The following AKAP12 variants were observed in gnomAD, a reference collection of about 807,000 sequenced individuals.
The protein encoded by AKAP12 is A-kinase anchoring protein 12.
A neutral mutation model predicts 79.9 loss-of-function variants in AKAP12; 32 were observed. The observed-to-expected ratio is 0.40, with a 90% CI of 0.30 to 0.54. The LOEUF is 0.54. Among genes scored for constraint, AKAP12 ranks in the 20% least tolerant of loss-of-function variants. AKAP12 has a pLI of 0.48. For synonymous variants in AKAP12, 808 were observed against 857.0 expected (o/e 0.94, Z 1.00); for missense variants, 2,074 against 2,177.0 (o/e 0.95, Z 0.94).
At position 151,352,659 on chromosome 6, in the gene AKAP12, C is replaced by T. The variant is rs1269478109; in HGVS notation, c.4268C>T (p.Ala1423Val). The stretch of plus-strand genomic sequence containing the variant: ...TCTGAGGCATCATTCACTCTAACAG[C>T]GGCTGCAGAGGAGGAAAAGGTCTTA... ...QSSEASFTLTAAAEEEKVLGE... is the reference protein window; with the variant it reads ...QSSEASFTLTVAAEEEKVLGE... The change falls in exon 4 of 5, where the codon GCG becomes GTG. Residue 1423 changes from alanine (A) to valine (V), a missense_variant. By Grantham distance (64) the Ala-to-Val change is moderately conservative (BLOSUM62 0). This residue lies in a region of AKAP12 where 614 missense variants were observed against 665.6 expected (regional missense o/e 0.92). Coordinates refer to ENST00000402676, the MANE Select transcript of AKAP12 (RefSeq NM_005100.4). 8.1e-6 allele frequency: 13 copies of T among 1,614,062 alleles called. No homozygotes were observed. The highest frequency in any genetic ancestry group is 1.6e-4 in the Middle Eastern group (1 of 6,084).
At chr6:151,282,872 AGATTT>A (rs1776435972) in intron 2 of AKAP12, among the ~76,000 whole-genome samples, 1 of 152,232 alleles carries the variant, frequency 6.6e-6, no homozygotes, top group African/African-American at 2.4e-5. Context: ...ATAAAGTGCT[AGATTT>A]GTAAGAAAGT....
intron 2 of AKAP12, among the ~76,000 whole-genome samples, chr6:151,268,322 CAGA>C (rs1217199585): frequency 5.3e-5 from 8 of 152,192 alleles, no homozygotes; most frequent in Non-Finnish European, 1.0e-4. Context: ...GAGGCTGAGG[CAGA>C]AGAATTGCTT....
intron 2 of AKAP12, among the ~76,000 whole-genome samples, chr6:151,292,452 G>A (rs181960159): frequency 1.3e-5 from 2 of 152,248 alleles, no homozygotes; most frequent in Admixed American, 1.3e-4. Context: ...TATCTTAGAC[G>A]AATTGGTTCC....
intron 3 of AKAP12, chr6:151,325,702 C>T: frequency 6.8e-7 from 1 of 1,461,990 alleles, no homozygotes; most frequent in Non-Finnish European, 9.0e-7. Flanking sequence ...GCTCCGAGGG[C>T]ACCTCCGGTT....
intron 3 of AKAP12, 33 bp from the exon 4 acceptor site, chr6:151,348,678 T>TGTGGGGGGGGGGGG: frequency 1.1e-5 from 4 of 374,896 alleles, no homozygotes; most frequent in Admixed American, 3.9e-5. Flanking sequence ...CCTTTTCTCT[T>TGTGGGGGGGGGGGG]CTCCCCACCC....
rs140116305 is a variant in AKAP12 at position 151,324,219 on chromosome 6, G to A, written c.319+18316G>A. The stretch of plus-strand genomic sequence containing the variant: ...GCTCAGTGGCTGGGTCTGGGAGTCA[G>A]CTTCCAGGCAATATCTCACTGAGTC... On this transcript the variant is annotated intron_variant, in intron 3 of 4. Transcript: ENST00000402676. 2.7e-3 allele frequency: 2,641 copies of A among 985,452 alleles called. 6 individuals are homozygous for A. The highest frequency in any genetic ancestry group is 0.011 in the South Asian group (232 of 21,292). The allele number at this position is 985,452 out of a possible 1,614,324, so 61.0% of individuals were successfully genotyped here.
intron 2 of AKAP12, among the ~76,000 whole-genome samples, chr6:151,290,309 C>T (rs2114735708): frequency 6.6e-6 from 1 of 152,200 alleles, no homozygotes; most frequent in East Asian, 1.9e-4. Context: ...GTGGAAGTTC[C>T]CACAGTGGCA....
chr6:151,350,653 G>A lies in AKAP12; in HGVS notation c.2262G>A (p.Glu754=), dbSNP rs973255510. Residue 754 remains glutamate, a synonymous_variant, in exon 4 of 5, where the codon GAG becomes GAA. Coordinates refer to ENST00000402676, the MANE Select transcript of AKAP12 (RefSeq NM_005100.4). This position sits in a 1 kb window ranked among gnomAD's most constrained non-coding sequence, Gnocchi z 4.8. ...AAGCTGGAAGCCCTACCGAAGGGGA[G>A]GGCGTTTCCACCTGGGAGTCATTTA... ...PEQAGSPTEG[E]GVSTWESFKR... 1 of 1,613,914 alleles carries A rather than the reference G, an allele frequency of 6.2e-7. No homozygotes were observed. The highest frequency in any genetic ancestry group is 1.3e-5 in the African/African-American group (1 of 74,896).
chr6:151,349,904 TCAC>T lies in AKAP12; in HGVS notation c.1514_1516del (p.Ser505_Gln506delinsTer). ...TGTGAGTGAGGTGGAAATGCTGTCATCACAGGAGAGAATGAAGGTGCAGGGAAG... is the reference window on the plus strand; with the variant it reads ...TGTGAGTGAGGTGGAAATGCTGTCATAGGAGAGAATGAAGGTGCAGGGAAG... On this transcript the variant is annotated stop_gained and inframe_deletion, in exon 4 of 5. Transcript: ENST00000402676. LOFTEE classifies it high-confidence loss of function. The T allele has an allele frequency of 6.2e-7, 1 of 1,614,042 alleles. No homozygotes were observed. The highest frequency in any genetic ancestry group is 8.5e-7 in the Non-Finnish European group (1 of 1,180,032).
At position 151,353,238 on chromosome 6, in the gene AKAP12, A is replaced by G; in HGVS notation, c.4847A>G (p.Glu1616Gly). ...GAAACACCAATTACTTCAGCCAAAG[A>G]GGAGTCAGAGTCAACCGCAGTGGGA... ...QDETPITSAK[E>G]ESESTAVGQA... is the part of the protein sequence containing the mutation. The change falls in exon 4 of 5, where the codon GAG (glutamate) becomes GGG (glycine). Residue 1616 changes from glutamate to glycine, a missense_variant. This residue lies in a region of AKAP12 where 614 missense variants were observed against 665.6 expected (regional missense o/e 0.92). Transcript: ENST00000402676. The G allele has an allele frequency of 6.2e-7, 1 of 1,614,186 alleles. No homozygotes were observed. The highest frequency in any genetic ancestry group is 8.5e-7 in the Non-Finnish European group (1 of 1,180,048).
intron 3 of AKAP12, among the ~76,000 whole-genome samples, chr6:151,332,644 G>A (rs1486752516): frequency 2.0e-5 from 3 of 152,172 alleles, no homozygotes; most frequent in African/African-American, 7.2e-5. Flanking sequence ...ATCACACATG[G>A]GTATGTGGCC....
At chr6:151,328,606 C>T (rs927232621) in intron 3 of AKAP12, among the ~76,000 whole-genome samples, 1 of 148,188 alleles carries the variant, frequency 6.7e-6, no homozygotes, top group Non-Finnish European at 1.5e-5. Context: ...CACTGCACTC[C>T]AGCCTGGGTG....
chr6:151,259,071 G>A (rs969753371), intron 2 of AKAP12, among the ~76,000 whole-genome samples: 1 of 150,886 alleles, frequency 6.6e-6, no homozygotes, highest in African/African-American at 2.4e-5. Context: ...TGGAGACGGA[G>A]TCTTGCTCTG....
intron 1 of AKAP12, 117 bp from the exon 2 acceptor site, chr6:151,240,267 G>T (rs1463552117): frequency 3.8e-6 from 1 of 260,654 alleles, no homozygotes; most frequent in Non-Finnish European, 7.2e-6. Flanking sequence ...CCTGGGGGCA[G>T]ATGCTGCTGC....
intron 2 of AKAP12, among the ~76,000 whole-genome samples, chr6:151,261,335 C>T (rs546023640): frequency 6.6e-6 from 1 of 151,744 alleles, no homozygotes; most frequent in African/African-American, 2.4e-5. Flanking sequence ...TGTGCCACTG[C>T]ACTACAGCCT....
chr6:151,278,469 G>T (rs2745463), intron 2 of AKAP12, among the ~76,000 whole-genome samples: 1 of 151,922 alleles, frequency 6.6e-6, no homozygotes, highest in South Asian at 2.1e-4. Context: ...TCCCTCCTTG[G>T]CCTACCAAAG....
rs1797000778 is a variant in AKAP12 at position 151,242,661 on chromosome 6, T to A, written c.162+1937T>A. Reference sequence around the variant, plus strand: ...CTCCCCTCTTCTTGTTAAGCTCCAATTCCTGACCTCCAAGTAATCCCATCT... The same window carrying A: ...CTCCCCTCTTCTTGTTAAGCTCCAAATCCTGACCTCCAAGTAATCCCATCT... On this transcript the variant is annotated intron_variant, in intron 2 of 4. Coordinates refer to ENST00000402676, the MANE Select transcript of AKAP12 (RefSeq NM_005100.4). Among the ~76,000 whole-genome samples the A allele has an allele frequency of 2.0e-5, 3 of 152,210 alleles. No homozygotes were observed. The South Asian group carries it at 6.2e-4, about 31-fold the overall frequency.
At chr6:151,338,469 TC>T (rs1328459028) in intron 3 of AKAP12, among the ~76,000 whole-genome samples, 1 of 142,928 alleles carries the variant, frequency 7.0e-6, no homozygotes. Context: ...TTTTTTTTTT[TC>T]CCCGAGATGG....
intron 2 of AKAP12, among the ~76,000 whole-genome samples, chr6:151,260,930 T>A (rs1226923603): frequency 6.6e-6 from 1 of 152,136 alleles, no homozygotes; most frequent in Non-Finnish European, 1.5e-5. Context: ...AGGTGGAGGT[T>A]GCAGTGAGCC....
Sources: gnomAD v4.1 joint callset for allele counts (sites outside exome capture counted in the v4.1 genomes callset) on GRCh38, gnomAD v4.1.1 for gene constraint, gnomAD v4.1.1 regional missense constraint, Gnocchi (gnomAD v3.1) non-coding constraint, MANE v1.5 for transcripts, NCBI Gene and HGNC (gene_info 2026-07-23, HGNC 2026-07-21) for gene names.